Variants in CCDC7 observed in about 807,000 individuals in gnomAD.
The protein encoded by CCDC7 is coiled-coil domain-containing protein 7.
CCDC7 carries 183 observed loss-of-function variants against 196.9 expected under a neutral mutation model. The observed-to-expected ratio is 0.93, with a 90% CI of 0.82 to 1.05. The LOEUF (loss-of-function observed/expected upper bound fraction) is 1.05, where lower values mean the gene tolerates loss of function less well. Ranked by LOEUF, CCDC7 falls within the 50% of genes least tolerant of loss-of-function variation. CCDC7 has a pLI of 0.00. For missense variants in CCDC7, 1,540 were observed against 1,482.2 expected, an observed-to-expected ratio of 1.04 and a Z score of -0.64; for synonymous variants, 525 against 484.6, an observed-to-expected ratio of 1.08 and a Z score of -1.10.
In CCDC7 at chr10:32,819,468, G is replaced by C. The variant is rs1237978174; in HGVS notation, c.3181+5015G>C. Among the ~76,000 whole-genome samples, 3 of 152,090 alleles carry C rather than the reference G, an allele frequency of 2.0e-5. No individual in the cohort carries two copies. The East Asian group carries it at 5.8e-4, about 29-fold the overall frequency. ...GAATCCTCCCTAACTCATTTTATGA[G>C]GTCAGCATCATCCTGATACCAAAGC... On this transcript the variant is annotated intron_variant, in intron 31 of 41. Transcript: ENST00000639629.
intron 22 of CCDC7, among the ~76,000 whole-genome samples, chr10:32,686,765 T>C (rs1343959184): frequency 1.3e-5 from 2 of 152,212 alleles, no homozygotes; most frequent in African/African-American, 4.8e-5. Context: ...TCCTCTTGGG[T>C]AACAAGGTCT....
At chr10:32,870,482 T>A (rs1056918791) in intron 41 of CCDC7, among the ~76,000 whole-genome samples, 2 of 152,190 alleles carry the variant, frequency 1.3e-5, no homozygotes, top group Non-Finnish European at 2.9e-5. Context: ...CCTATCAGCT[T>A]AAGGAGATTT....
At chr10:32,596,631 G>T (rs1299040562) in intron 18 of CCDC7, among the ~76,000 whole-genome samples, 1 of 152,146 alleles carries the variant, frequency 6.6e-6, no homozygotes, top group African/African-American at 2.4e-5. Flanking sequence ...TAGCCTCGAC[G>T]ATCTTTACAA....
intron 41 of CCDC7, among the ~76,000 whole-genome samples, chr10:32,876,005 G>A (rs2094586226): frequency 6.6e-6 from 1 of 151,882 alleles, no homozygotes; most frequent in Admixed American, 6.6e-5. Context: ...GCATCGCCTG[G>A]GAACTTCTAA....
intron 31 of CCDC7, among the ~76,000 whole-genome samples, chr10:32,821,814 G>T (rs2090271501): frequency 6.6e-6 from 1 of 152,110 alleles, no homozygotes; most frequent in African/African-American, 2.4e-5. Flanking sequence ...CCTGTTGTGG[G>T]GTGGGGGTAG....
chr10:32,638,920 T>C lies in CCDC7; in HGVS notation c.2014+3762T>C, dbSNP rs186331207. 2.4e-4 allele frequency among the ~76,000 whole-genome samples: 36 copies of C among 152,336 alleles called. No homozygotes were observed. The East Asian group carries it at 4.8e-3, about 20-fold the overall frequency. ...CCTCTATTTCAGAGCCTGTTATTGG[T>C]CTATTCAGAGATTCAACTTCTTCCT... is the stretch of plus-strand genomic sequence containing the variant. On this transcript the variant is annotated intron_variant, in intron 20 of 41. Transcript: ENST00000639629.
intron 20 of CCDC7, among the ~76,000 whole-genome samples, chr10:32,657,168 G>A (rs1591210042): frequency 6.6e-6 from 1 of 152,332 alleles, no homozygotes; most frequent in East Asian, 1.9e-4. Flanking sequence ...AGTGTCTCCA[G>A]CTTTTCCAGG....
chr10:32,844,075 T>A (rs1256007221), intron 33 of CCDC7, among the ~76,000 whole-genome samples: 1 of 151,990 alleles, frequency 6.6e-6, no homozygotes, highest in Non-Finnish European at 1.5e-5. Flanking sequence ...TTATATAGTC[T>A]GCTATAAACA....
intron 18 of CCDC7, among the ~76,000 whole-genome samples, chr10:32,596,388 T>C (rs768542293): frequency 7.2e-5 from 11 of 152,208 alleles, no homozygotes; most frequent in Non-Finnish European, 1.6e-4. Flanking sequence ...ATTTGCTTGG[T>C]AGATCTTCCT....
At chr10:32,557,838 T>C (rs1364313786) in intron 13 of CCDC7, among the ~76,000 whole-genome samples, 1 of 152,166 alleles carries the variant, frequency 6.6e-6, no homozygotes, top group Admixed American at 6.5e-5. Flanking sequence ...ATTATAAGTG[T>C]GTACCACCAT....
chr10:32,828,289 AT>A (rs1373653385), intron 32 of CCDC7, among the ~76,000 whole-genome samples: 1 of 151,870 alleles, frequency 6.6e-6, no homozygotes, highest in Non-Finnish European at 1.5e-5. Flanking sequence ...CCAAACTGTA[AT>A]TCAATTACCT....
chr10:32,743,666 AC>A (rs1482157987), intron 28 of CCDC7, among the ~76,000 whole-genome samples: 1 of 152,138 alleles, frequency 6.6e-6, no homozygotes, highest in Non-Finnish European at 1.5e-5. Flanking sequence ...TATAAATGAT[AC>A]TGCTATAAAG....
intron 5 of CCDC7, among the ~76,000 whole-genome samples, chr10:32,466,608 C>A (rs2036853181): frequency 6.6e-6 from 1 of 152,176 alleles, no homozygotes; most frequent in Non-Finnish European, 1.5e-5. Flanking sequence ...TGATCTCATT[C>A]ATTTATATGG....
chr10:32,733,868 A>G (rs1242333512), intron 28 of CCDC7, among the ~76,000 whole-genome samples: 1 of 152,194 alleles, frequency 6.6e-6, no homozygotes, highest in Admixed American at 6.5e-5. Flanking sequence ...ACAAATCAAA[A>G]CCATAGTGAG....
chr10:32,850,232 T>C (rs1274598238), intron 39 of CCDC7, among the ~76,000 whole-genome samples: 1 of 152,162 alleles, frequency 6.6e-6, no homozygotes, highest in Non-Finnish European at 1.5e-5. Context: ...TTGGAGCTAC[T>C]TTGCAAAGCA....
intron 40 of CCDC7, among the ~76,000 whole-genome samples, chr10:32,852,713 G>A (rs1296464044): frequency 1.3e-5 from 2 of 152,040 alleles, no homozygotes; most frequent in African/African-American, 4.8e-5. Flanking sequence ...AAAATCAATA[G>A]GAAATGCAGA....
intron 18 of CCDC7, among the ~76,000 whole-genome samples, chr10:32,596,886 G>A (rs2060426781): frequency 6.6e-6 from 1 of 152,104 alleles, no homozygotes; most frequent in African/African-American, 2.4e-5. Flanking sequence ...AGTTTCTGCC[G>A]AGACATCTGC....
At chr10:32,572,272 T>G (rs1020351877) in intron 16 of CCDC7, among the ~76,000 whole-genome samples, 7 of 152,170 alleles carry the variant, frequency 4.6e-5, no homozygotes, top group Admixed American at 1.3e-4. Context: ...TTTAACTCAG[T>G]TACTATATGC....
chr10:32,526,174 C>G (rs1008788591), intron 11 of CCDC7, among the ~76,000 whole-genome samples: 17 of 152,188 alleles, frequency 1.1e-4, no homozygotes, highest in Non-Finnish European at 2.1e-4. Context: ...CAGAGAAGCC[C>G]CTCCCTGTGG....
Sources: allele counts gnomAD v4.1 joint callset (sites outside exome capture counted in the v4.1 genomes callset), GRCh38; gene constraint gnomAD v4.1.1; transcripts MANE v1.5; gene names NCBI Gene and HGNC (gene_info 2026-07-23, HGNC 2026-07-21).